Variants in LIG3 observed in about 807,000 individuals in gnomAD.
The protein encoded by LIG3 is ligase II, DNA, ATP-dependent.
In LIG3, 58 loss-of-function variants were observed where a neutral mutation model predicts 110.9. The ratio of observed to expected loss-of-function variants is 0.52; its 90% confidence interval spans 0.42 to 0.65. LIG3 has a LOEUF of 0.65. Among genes scored for constraint, LIG3 ranks in the 30% least tolerant of loss-of-function variants. The pLI is 0.00. For missense variants in LIG3, 1,094 were observed against 1,273.8 expected (o/e 0.86, Z 2.15); for synonymous variants, 422 against 472.8 (o/e 0.89, Z 1.39).
chr17:35,003,028 G>A, intron 19 of LIG3: 1 of 1,614,194 alleles, frequency 6.2e-7, no homozygotes, highest in Non-Finnish European at 8.5e-7. Flanking sequence ...AGGAAGAACT[G>A]TGCCAGCAGG....
At chr17:34,999,193 G>A in intron 14 of LIG3, 114 bp from the exon 15 acceptor site, 1 of 1,219,248 alleles carries the variant, frequency 8.2e-7, no homozygotes, top group Non-Finnish European at 1.1e-6. Flanking sequence ...GCTCCAAGAG[G>A]TAAACTCTGG....
chr17:34,980,659 C>G lies in LIG3; in HGVS notation c.-5+37C>G. 2.6e-6 allele frequency: 3 copies of G among 1,150,420 alleles called. No individual in the cohort carries two copies. The South Asian group carries it at 4.5e-5, about 17-fold the overall frequency. 71.3% of individuals were successfully genotyped at this position (1,150,420 alleles called of 1,614,324 possible). A position where few individuals can be genotyped will look rare whatever the true frequency, so the allele number is the denominator to read the frequency against. On this transcript the variant is annotated intron_variant, in intron 1 of 19. Transcript: ENST00000378526. ...CGCGGCGCGGCACGGCGCGGCGGGG[C>G]CCGGCGTGGGGAAGGCAGCGGGCCC...
chr17:35,001,917 C>A lies in LIG3; in HGVS notation c.2487C>A (p.Tyr829Ter). The A allele has an allele frequency of 6.2e-7, 1 of 1,610,290 alleles. No individual in the cohort carries two copies. The highest frequency in any genetic ancestry group is 8.5e-7 in the Non-Finnish European group (1 of 1,178,682). ...GTCCCTCCCCGCCTCAGGAACTGTA[C>A]CAGTTGTCCAAGGAGAAGGCAGACT... ...ATNLPQLKEL[Y>*]QLSKEKADFT... is the part of the protein sequence containing the mutation. The change falls in exon 18 of 20, where the codon TAC becomes TAA. Residue 829 changes from tyrosine to a stop codon, truncating the protein, a stop_gained. Coordinates refer to ENST00000378526, the MANE Select transcript of LIG3 (RefSeq NM_013975.4). LOFTEE classifies it high-confidence loss of function.
rs1348397756 is a variant in LIG3 at position 34,986,006 on chromosome 17, C to T, written c.566C>T (p.Ala189Val). 5.0e-6 allele frequency: 8 copies of T among 1,614,000 alleles called. No homozygotes were observed. Among genetic ancestry groups the T allele is most frequent in the Non-Finnish European group, 8.5e-7 (1 of 1,179,912 alleles). ...QHIADLSSKAAGTPKKKAVVQ... is the reference protein window; with the variant it reads ...QHIADLSSKAVGTPKKKAVVQ... ...CCTACAGATCTGTCTTCTAAGGCAGCAGGTACACCAAAGAAGAAAGCTGTT... is the reference window on the plus strand; with the variant it reads ...CCTACAGATCTGTCTTCTAAGGCAGTAGGTACACCAAAGAAGAAAGCTGTT... Residue 189 changes from alanine to valine, a missense_variant, in exon 3 of 20, where the codon GCA (alanine) becomes GTA (valine). Transcript: ENST00000378526.
rs1393884562 is a variant in LIG3 at position 35,004,394 on chromosome 17, C to T, written c.2918C>T (p.Thr973Ile). 10 of 1,614,232 alleles carry T rather than the reference C, an allele frequency of 6.2e-6. No homozygotes were observed. Among genetic ancestry groups the T allele is most frequent in the Non-Finnish European group, 8.5e-6 (10 of 1,180,042 alleles). The part of the protein sequence containing the change: ...DGDLVQEFDM[T>I]SATHVLGSRD... ...GACCTGGTACAGGAATTTGATATGA[C>T]TTCAGCCACGCACGTGCTGGGTAGC... Residue 973 changes from threonine (T) to isoleucine (I), a missense_variant, in exon 20 of 20, where the codon ACT becomes ATT. Transcript: ENST00000378526.
At chr17:34,986,448 A>G (rs1370357442) in intron 3 of LIG3, among the ~76,000 whole-genome samples, 1 of 152,052 alleles carries the variant, frequency 6.6e-6, no homozygotes, top group Non-Finnish European at 1.5e-5. Flanking sequence ...CAGCCTCCCA[A>G]GTAGCTGGGA....
chr17:34,989,009 G>A (rs1352740436), intron 3 of LIG3, among the ~76,000 whole-genome samples: 1 of 151,596 alleles, frequency 6.6e-6, no homozygotes, highest in Non-Finnish European at 1.5e-5. Context: ...AGATCCTTCT[G>A]ACCACTTTTT....
rs1369910978 is a variant in LIG3 at position 35,001,320 on chromosome 17, G to A, written c.2395G>A (p.Gly799Arg). 5.0e-6 allele frequency: 8 copies of A among 1,613,990 alleles called. No homozygotes were observed. The highest frequency in any genetic ancestry group is 2.7e-5 in the African/African-American group (2 of 74,900). Residue 799 changes from glycine to arginine, a missense_variant, in exon 17 of 20, where the codon GGG (glycine) becomes AGG (arginine). Coordinates refer to ENST00000378526, the MANE Select transcript of LIG3 (RefSeq NM_013975.4). ...CAAATCGGAGGCTCATACAGCTGAC[G>A]GGATCTCCATCCGATTCCCTCGCTG... is the stretch of plus-strand genomic sequence containing the variant. ...FSKSEAHTAD[G>R]ISIRFPRCTR... is the part of the protein sequence containing the mutation.
chr17:34,990,069 C>T (rs1335613393), intron 4 of LIG3, among the ~76,000 whole-genome samples: 1 of 152,186 alleles, frequency 6.6e-6, no homozygotes, highest in African/African-American at 2.4e-5. Context: ...TGTCGATGAG[C>T]ATCTCTGATG....
Position 34,983,555 on chromosome 17 carries a change from A to G in LIG3, c.547+3A>G, listed in dbSNP as rs762110291. ...ACAGATAACCCAGCACATTGCAGGT[A>G]AGGTAGAGAACACTGCTTTCTCATC... On this transcript the variant is annotated splice_donor_region_variant and intron_variant, in intron 2 of 19. Coordinates refer to ENST00000378526, the MANE Select transcript of LIG3 (RefSeq NM_013975.4). The G allele has an allele frequency of 6.2e-7, 1 of 1,610,286 alleles. No homozygotes were observed. The highest frequency in any genetic ancestry group is 8.5e-7 in the Non-Finnish European group (1 of 1,178,506).
At chr17:34,992,955 T>C (rs1385879160) in intron 8 of LIG3, among the ~76,000 whole-genome samples, 1 of 152,156 alleles carries the variant, frequency 6.6e-6, no homozygotes, top group Non-Finnish European at 1.5e-5. Flanking sequence ...GACTTGCCTC[T>C]CTTGTCCTTC....
intron 16 of LIG3, among the ~76,000 whole-genome samples, chr17:35,000,344 C>T (rs963982470): frequency 2.0e-5 from 3 of 152,166 alleles, no homozygotes; most frequent in Admixed American, 6.5e-5. Context: ...CCACAACCTC[C>T]GCCTCCCGGG....
intron 14 of LIG3, 136 bp from the exon 15 acceptor site, chr17:34,999,171 T>C: frequency 1.1e-6 from 1 of 951,994 alleles, no homozygotes; most frequent in Non-Finnish European, 1.5e-6. Flanking sequence ...ATTACACAGT[T>C]AGTAAGAGGT....
chr17:35,001,435 C>CA (rs1567694428), intron 17 of LIG3, 32 bp downstream of exon 17: 1 of 1,606,060 alleles, frequency 6.2e-7, no homozygotes, highest in Non-Finnish European at 8.5e-7. Flanking sequence ...ATGTATTCTC[C>CA]ACCCCACTGT....
chr17:34,983,374 G>A lies in LIG3; in HGVS notation c.369G>A (p.Val123=). ...VKGVCRIGKV[V]PNPFSESGGD... ...GCGTATGCCGAATTGGCAAAGTGGT[G>A]CCCAATCCCTTCTCAGAGTCTGGGG... The change falls in exon 2 of 20, where the codon GTG becomes GTA. Residue 123 remains valine, a synonymous_variant. Coordinates refer to ENST00000378526, the MANE Select transcript of LIG3 (RefSeq NM_013975.4). The A allele has an allele frequency of 4.3e-6, 7 of 1,614,238 alleles. No homozygotes were observed. The highest frequency in any genetic ancestry group is 5.9e-6 in the Non-Finnish European group (7 of 1,180,048).
chr17:34,982,729 C>T (rs1454329556), intron 1 of LIG3, among the ~76,000 whole-genome samples: 2 of 151,334 alleles, frequency 1.3e-5, no homozygotes, highest in Non-Finnish European at 2.9e-5. Context: ...TTGCTGATGG[C>T]CTAAAAAGAG....
At position 34,988,571 on chromosome 17, in the gene LIG3, A is replaced by T. The variant is rs375712716; in HGVS notation, c.692-895A>T. Among the ~76,000 whole-genome samples, 217 of 152,340 alleles carry T rather than the reference A, an allele frequency of 1.4e-3. 1 individual carries two copies. The highest frequency in any genetic ancestry group is 5.1e-3 in the African/African-American group (214 of 41,584). ...GGTCACAAGGAGGTGAAAGGGAATC[A>T]CCGATGAGTTGCACATAATTATTTT... On this transcript the variant is annotated intron_variant, in intron 3 of 19. Coordinates refer to ENST00000378526, the MANE Select transcript of LIG3 (RefSeq NM_013975.4).
chr17:34,991,731 G>A lies in LIG3; in HGVS notation c.1102G>A (p.Ala368Thr). The change falls in exon 6 of 20, where the codon GCC becomes ACC. Residue 368 changes from alanine to threonine, a missense_variant. Transcript: ENST00000378526. The part of the protein sequence containing the change: ...FEQSKSFPPA[A>T]KSLLTIQEVD... ...GCAGAGCAAGTCTTTCCCCCCAGCT[G>A]CCAAGAGCCTCCTTACCATCCAGGA... 1 of 1,614,036 alleles carries A rather than the reference G, an allele frequency of 6.2e-7. No homozygotes were observed.
At position 35,004,432 on chromosome 17, in the gene LIG3, C is replaced by A; in HGVS notation, c.2956C>A (p.Pro986Thr). The change falls in exon 20 of 20, where the codon CCT (proline) becomes ACT (threonine). Residue 986 changes from proline to threonine, a missense_variant. Pro to Thr is a conservative substitution (Grantham distance 38, BLOSUM62 -1). Coordinates refer to ENST00000378526, the MANE Select transcript of LIG3 (RefSeq NM_013975.4). The stretch of plus-strand genomic sequence containing the variant: ...CGTGCTGGGTAGCAGGGACAAGAAC[C>A]CTGCGGCCCAGCAGGTCTCCCCAGA... ...THVLGSRDKN[P>T]AAQQVSPEWI... is the part of the protein sequence containing the mutation. 1 of 1,614,162 alleles carries A rather than the reference C, an allele frequency of 6.2e-7. No individual in the cohort carries two copies.
Sources: allele counts gnomAD v4.1 joint callset (sites outside exome capture counted in the v4.1 genomes callset), GRCh38; gene constraint gnomAD v4.1.1; transcripts MANE v1.5; gene names NCBI Gene and HGNC (gene_info 2026-07-23, HGNC 2026-07-21).